Variants in TNNI3K observed in about 807,000 individuals in gnomAD.
The protein encoded by TNNI3K is TNNI3 interacting kinase.
Under a neutral mutation model 114.5 loss-of-function variants are expected in TNNI3K, and 140 were observed. The observed-to-expected ratio is 1.22, with a 90% CI of 1.07 to 1.41. The LOEUF is 1.41. Among genes scored for constraint, TNNI3K ranks in the 40% most tolerant of loss-of-function variants. The pLI is 0.00. For missense variants in TNNI3K, 1,125 were observed against 1,007.6 expected (o/e 1.12, Z -1.58); for synonymous variants, 347 against 347.5 (o/e 1.00, Z 0.02).
chr1:74,274,850 G>A (rs1656577293), intron 5 of TNNI3K, among the ~76,000 whole-genome samples: 1 of 151,970 alleles, frequency 6.6e-6, no homozygotes, highest in South Asian at 2.1e-4. Context: ...TTCTACAGCT[G>A]GGCAAAATCA....
At chr1:74,418,199 G>T (rs1426239352) in intron 17 of TNNI3K, 1 of 453,392 alleles carries the variant, frequency 2.2e-6, no homozygotes, top group Non-Finnish European at 4.4e-6. Context: ...GATTGCTAGA[G>T]CTCAAGCAGC....
At chr1:74,323,189 C>G (rs1472396281) in intron 5 of TNNI3K, among the ~76,000 whole-genome samples, 3 of 152,010 alleles carry the variant, frequency 2.0e-5, no homozygotes, top group Non-Finnish European at 2.9e-5. Context: ...AAAGCTGTCT[C>G]CACAATAGAA....
At chr1:74,337,274 C>T (rs961328673) in intron 7 of TNNI3K, among the ~76,000 whole-genome samples, 15 of 151,474 alleles carry the variant, frequency 9.9e-5, no homozygotes, top group Admixed American at 4.0e-4. Flanking sequence ...GAGTAGGTTG[C>T]GAAAATTTTC....
At chr1:74,459,587 C>A (rs572997938) in intron 20 of TNNI3K, among the ~76,000 whole-genome samples, 1 of 152,222 alleles carries the variant, frequency 6.6e-6, no homozygotes, top group South Asian at 2.1e-4. Flanking sequence ...CTTATTTATT[C>A]ATTTACCAAT....
intron 23 of TNNI3K, among the ~76,000 whole-genome samples, chr1:74,537,031 G>T (rs941371574): frequency 1.6e-4 from 24 of 152,256 alleles, no homozygotes; most frequent in African/African-American, 5.8e-4. Context: ...GCTTCCATCT[G>T]TCTGTCATCC....
chr1:74,331,985 A>G (rs1660227483), intron 6 of TNNI3K, among the ~76,000 whole-genome samples: 1 of 152,198 alleles, frequency 6.6e-6, no homozygotes, highest in Non-Finnish European at 1.5e-5. Flanking sequence ...GATGATGCTA[A>G]TGGCAATAAC....
rs201010209 is a variant in TNNI3K at position 74,370,349 on chromosome 1, C to A, written c.1729C>A (p.Leu577Ile). 1 of 1,607,846 alleles carries A rather than the reference C, an allele frequency of 6.2e-7. No homozygotes were observed. The highest frequency in any genetic ancestry group is 8.5e-7 in the Non-Finnish European group (1 of 1,176,340). Residue 577 changes from leucine (L) to isoleucine (I), a missense_variant, in exon 17 of 25, where the codon CTT becomes ATT. Coordinates refer to ENST00000326637, the MANE Select transcript of TNNI3K (RefSeq NM_015978.3). ...AGATGTTGCCAAAGGCATGGAGTAC[C>A]TTCACAACCTGACACAGCCAATTAT... ...AVDVAKGMEY[L>I]HNLTQPIIHR...
At chr1:74,432,527 C>CT (rs1665946403) in intron 17 of TNNI3K, among the ~76,000 whole-genome samples, 1 of 152,072 alleles carries the variant, frequency 6.6e-6, no homozygotes, top group Non-Finnish European at 1.5e-5. Context: ...TCAAATTGCA[C>CT]TTTCCTTGTT....
chr1:74,489,249 G>A lies in TNNI3K; in HGVS notation c.2181+1G>A. 1 of 1,608,736 alleles carries A rather than the reference G, an allele frequency of 6.2e-7. No individual in the cohort carries two copies. The highest frequency in any genetic ancestry group is 1.3e-5 in the African/African-American group (1 of 74,738). On this transcript the variant is annotated splice_donor_variant, in intron 22 of 24. Transcript: ENST00000326637. LOFTEE classifies it high-confidence loss of function. The stretch of plus-strand genomic sequence containing the variant: ...AGAAGAGTGTCTCTGCAACATTGAG[G>A]TAAAAGCTTTAGCTTCTGAAATATG...
chr1:74,245,830 T>C (rs1327182439), intron 2 of TNNI3K, among the ~76,000 whole-genome samples: 1 of 152,180 alleles, frequency 6.6e-6, no homozygotes, highest in African/African-American at 2.4e-5. Context: ...AATGCAGTAT[T>C]CCCAAACTTT....
intron 5 of TNNI3K, among the ~76,000 whole-genome samples, chr1:74,323,879 T>TAA (rs1415248714): frequency 6.6e-6 from 1 of 152,044 alleles, no homozygotes; most frequent in African/African-American, 2.4e-5. Flanking sequence ...AAGCAACACT[T>TAA]AAGAGATGAA....
intron 17 of TNNI3K, among the ~76,000 whole-genome samples, chr1:74,401,257 A>C (rs769179272): frequency 2.6e-5 from 4 of 152,200 alleles, no homozygotes; most frequent in African/African-American, 9.6e-5. Context: ...TTTCTAGGTC[A>C]TGCAATTCTG....
chr1:74,486,201 A>AAG (rs58506314), intron 21 of TNNI3K, among the ~76,000 whole-genome samples: 7,969 of 136,412 alleles, frequency 0.058, 238 homozygotes, highest in Middle Eastern at 0.11. Flanking sequence ...AAATGCTATA[A>AAG]AGAGAGAGAG....
At chr1:74,244,584 G>A (rs1490272679) in intron 2 of TNNI3K, among the ~76,000 whole-genome samples, 1 of 150,348 alleles carries the variant, frequency 6.7e-6, no homozygotes, top group African/African-American at 2.5e-5. Flanking sequence ...AAGCTGATCA[G>A]AGTATTAGAT....
chr1:74,248,241 G>A (rs1214579012), intron 2 of TNNI3K, among the ~76,000 whole-genome samples: 5 of 152,106 alleles, frequency 3.3e-5, no homozygotes, highest in South Asian at 2.1e-4. Context: ...CAGAACTCAC[G>A]CTGGCCTGCG....
In TNNI3K at chr1:74,439,632, A is replaced by G. The variant is rs1329161139; in HGVS notation, c.2011+10A>G. On this transcript the variant is annotated intron_variant, in intron 20 of 24. Transcript: ENST00000326637. ...GCTCATCTCAAGCCAGGTAAGACAC[A>G]CTGCAATTGAAGTTTTCCTGTTTTA... is the stretch of plus-strand genomic sequence containing the variant. 3 of 1,611,454 alleles carry G rather than the reference A, an allele frequency of 1.9e-6. No homozygotes were observed.
intron 2 of TNNI3K, among the ~76,000 whole-genome samples, chr1:74,246,714 C>A (rs1221867776): frequency 2.0e-5 from 3 of 152,122 alleles, no homozygotes; most frequent in Non-Finnish European, 4.4e-5. Flanking sequence ...AACTTAATGG[C>A]AAATACTGAA....
At chr1:74,497,832 A>C (rs1185601332) in intron 23 of TNNI3K, among the ~76,000 whole-genome samples, 1 of 152,188 alleles carries the variant, frequency 6.6e-6, no homozygotes, top group African/African-American at 2.4e-5. Flanking sequence ...TTCTAAAATT[A>C]AGTGAATTCC....
chr1:74,389,646 G>A (rs995299823), intron 17 of TNNI3K, among the ~76,000 whole-genome samples: 3 of 152,156 alleles, frequency 2.0e-5, no homozygotes, highest in African/African-American at 4.8e-5. Context: ...GGCTGGGCAA[G>A]ATAAAGGACC....
Sources: gnomAD v4.1 joint callset for allele counts (sites outside exome capture counted in the v4.1 genomes callset) on GRCh38, gnomAD v4.1.1 for gene constraint, MANE v1.5 for transcripts, NCBI Gene and HGNC (gene_info 2026-07-23, HGNC 2026-07-21) for gene names.